The following DDRGK1 variants were observed in gnomAD, a reference collection of about 807,000 sequenced individuals.
DDRGK1 encodes DDRGK domain-containing protein 1.
DDRGK1 carries 38 observed loss-of-function variants against 45.8 expected under a neutral mutation model. The ratio of observed to expected loss-of-function variants is 0.83; its 90% CI spans 0.64 to 1.09. The LOEUF (loss-of-function observed/expected upper bound fraction) is 1.09. Among genes scored for constraint, DDRGK1 ranks in the 50% least tolerant of loss-of-function variants. DDRGK1 has a pLI of 0.00. For missense variants in DDRGK1, 403 were observed against 419.9 expected, an observed-to-expected ratio of 0.96 and a Z score of 0.35; for synonymous variants, 171 against 168.7, an observed-to-expected ratio of 1.01 and a Z score of -0.11.
chr20:3,198,979 CAAA>C (rs386393118), intron 4 of DDRGK1, among the ~76,000 whole-genome samples: 1,752 of 115,090 alleles, frequency 0.015, 38 homozygotes, highest in African/African-American at 0.056. Context: ...CAATCTCTAC[CAAA>C]AAAAAAAAAA....
intron 4 of DDRGK1, among the ~76,000 whole-genome samples, chr20:3,199,169 G>A (rs1301418485): frequency 6.6e-6 from 1 of 151,952 alleles, no homozygotes; most frequent in African/African-American, 2.4e-5. Context: ...AATCAATAAA[G>A]AAAAATCTGA....
At chr20:3,191,333 T>G (rs537709680) in intron 7 of DDRGK1, 95 bp from the exon 8 acceptor site, 1 of 1,369,194 alleles carries the variant, frequency 7.3e-7, no homozygotes, top group African/African-American at 1.4e-5. Context: ...ATCTCTTTAT[T>G]TCCCTCTCAT....
Position 3,204,675 on chromosome 20 carries a change from T to A in DDRGK1, c.-48A>T. 1 of 1,526,902 alleles carries A rather than the reference T, an allele frequency of 6.5e-7. No homozygotes were observed. Among genetic ancestry groups the A allele is most frequent in the Middle Eastern group, 1.7e-4 (1 of 5,946 alleles). The allele number at this position is 1,526,902 out of a possible 1,614,324, so 94.6% of individuals were successfully genotyped here. On this transcript the variant is annotated 5_prime_UTR_variant, in exon 1 of 9. Coordinates refer to ENST00000354488, the MANE Select transcript of DDRGK1 (RefSeq NM_023935.3). ...CACTGCGTCCACCCTGAGGCCGGGA[T>A]CTCATAGGCCCCGCCCCTATTTCCC...
At chr20:3,193,393 CAG>C (rs1256934405) in intron 6 of DDRGK1, among the ~76,000 whole-genome samples, 2 of 151,696 alleles carry the variant, frequency 1.3e-5, no homozygotes, top group African/African-American at 4.8e-5. Flanking sequence ...TTTTTTGAGA[CAG>C]AGTCTCACTC....
At chr20:3,190,968 G>C in intron 8 of DDRGK1, 149 bp from the exon 9 acceptor site, 1 of 1,330,272 alleles carries the variant, frequency 7.5e-7, no homozygotes, top group Non-Finnish European at 1.0e-6. Flanking sequence ...GTCCTGCTAG[G>C]AGAGTCGAAT....
intron 7 of DDRGK1, 113 bp downstream of exon 7, chr20:3,191,652 G>C (rs2066989817): frequency 2.4e-6 from 3 of 1,233,364 alleles, no homozygotes; most frequent in Non-Finnish European, 3.5e-6. Context: ...ACTCACTCTT[G>C]GTTGGGGACA....
intron 2 of DDRGK1, among the ~76,000 whole-genome samples, chr20:3,200,848 T>C (rs149753511): frequency 0.014 from 2,193 of 151,984 alleles, 25 homozygotes; most frequent in African/African-American, 0.025. Flanking sequence ...CGGTGGCTCA[T>C]GCCTGTAATC....
chr20:3,204,561 G>T lies in DDRGK1; in HGVS notation c.67C>A (p.Arg23Ser). The change falls in exon 1 of 9, where the codon CGC becomes AGC. Residue 23 changes from arginine (R) to serine (S), a missense_variant. Transcript: ENST00000354488. The stretch of plus-strand genomic sequence containing the variant: ...CCTGATGCCGCCCGGCCCCGGCTGC[G>T]AGTCAGGAAGAGGATAAAGCCGACT... ...LLVGFILFLT[R>S]SRGRAASAGQ... 1 of 1,576,316 alleles carries T rather than the reference G, an allele frequency of 6.3e-7. No individual in the cohort carries two copies.
chr20:3,194,354 C>T (rs1252727499), intron 6 of DDRGK1, among the ~76,000 whole-genome samples: 1 of 152,230 alleles, frequency 6.6e-6, no homozygotes, highest in Non-Finnish European at 1.5e-5. Flanking sequence ...GCGGCCTGCG[C>T]AGTGGCTGCG....
In DDRGK1 at chr20:3,200,007, C is replaced by T. The variant is rs1272019150; in HGVS notation, c.504G>A (p.Glu168=). Residue 168 remains glutamate, a synonymous_variant, in exon 4 of 9, where the codon GAG becomes GAA. Coordinates refer to ENST00000354488, the MANE Select transcript of DDRGK1 (RefSeq NM_023935.3). ...GGGTAGGGGCTGGCCTCACCTTCTG[C>T]TCCTCCTCCAGGCGAAGCCGCTCCT... ...KEEERLRLEE[E]QKEEEERKAR... is the part of the protein sequence containing the mutation. The T allele has an allele frequency of 1.9e-6, 3 of 1,610,254 alleles. No individual in the cohort carries two copies. Among genetic ancestry groups the T allele is most frequent in the African/African-American group, 2.7e-5 (2 of 74,918 alleles).
At chr20:3,199,938 C>T in intron 4 of DDRGK1, 63 bp downstream of exon 4, 1 of 1,461,808 alleles carries the variant, frequency 6.8e-7, no homozygotes, top group Non-Finnish European at 9.1e-7. Context: ...CAGGGAGCTG[C>T]ATAAGAAGCA....
chr20:3,200,968 G>A (rs1012019630), intron 2 of DDRGK1, among the ~76,000 whole-genome samples: 8 of 152,150 alleles, frequency 5.3e-5, no homozygotes, highest in African/African-American at 1.9e-4. Flanking sequence ...AAATTAGCTG[G>A]GTGTGGTGGC....
chr20:3,194,195 C>T (rs1245390260), intron 6 of DDRGK1, among the ~76,000 whole-genome samples: 1 of 152,184 alleles, frequency 6.6e-6, no homozygotes, highest in African/African-American at 2.4e-5. Flanking sequence ...CCACCGCCCC[C>T]GCTCCCTCTG....
At chr20:3,204,493 A>G in intron 1 of DDRGK1, 44 bp downstream of exon 1, 7 of 1,531,350 alleles carry the variant, frequency 4.6e-6, no homozygotes, top group Non-Finnish European at 5.3e-6. Context: ...TCAGAAGGCC[A>G]GAAAACCCGG....
intron 6 of DDRGK1, among the ~76,000 whole-genome samples, 198 bp downstream of exon 6, chr20:3,194,632 A>T (rs2067002135): frequency 6.6e-6 from 1 of 152,202 alleles, no homozygotes; most frequent in African/African-American, 2.4e-5. Flanking sequence ...TCCCACACAG[A>T]CCCAGGTCCT....
chr20:3,190,782 G>C lies in DDRGK1; in HGVS notation c.816C>G (p.Thr272=). The change falls in exon 9 of 9, where the codon ACC becomes ACG. Residue 272 remains threonine (T), a synonymous_variant. Transcript: ENST00000354488. The part of the protein sequence containing the change: ...IDDRGKFIYI[T]PEELAAVANF... Reference sequence around the variant, plus strand: ...TGGCCACGGCGGCCAGTTCCTCTGGGGTTATGTAGATGAACTTGCCCCGGT... The same window carrying C: ...TGGCCACGGCGGCCAGTTCCTCTGGCGTTATGTAGATGAACTTGCCCCGGT... 1 of 1,613,852 alleles carries C rather than the reference G, an allele frequency of 6.2e-7. No individual in the cohort carries two copies.
At position 3,195,254 on chromosome 20, in the gene DDRGK1, C is replaced by T. The variant is rs147622952; in HGVS notation, c.610G>A (p.Gly204Arg). The change falls in exon 5 of 9, where the codon GGA (glycine) becomes AGA (arginine). Residue 204 changes from glycine to arginine, a missense_variant. Coordinates refer to ENST00000354488, the MANE Select transcript of DDRGK1 (RefSeq NM_023935.3). Reference protein sequence around the residue: ...EAFVVEEEGVGETMTEEQSQS... With the variant: ...EAFVVEEEGVRETMTEEQSQS... ...ACCTGTTCCTCAGTCATGGTCTCTCCTACGCCTTCCTCCTCCACCACAAAG... is the reference window on the plus strand; with the variant it reads ...ACCTGTTCCTCAGTCATGGTCTCTCTTACGCCTTCCTCCTCCACCACAAAG... 1.2e-6 allele frequency: 2 copies of T among 1,614,072 alleles called. No homozygotes were observed. The highest frequency in any genetic ancestry group is 1.7e-6 in the Non-Finnish European group (2 of 1,179,974).
At chr20:3,194,272 C>G (rs557246425) in intron 6 of DDRGK1, among the ~76,000 whole-genome samples, 1 of 152,316 alleles carries the variant, frequency 6.6e-6, no homozygotes, top group East Asian at 1.9e-4. Flanking sequence ...TCATGGCATC[C>G]TTCGTGGGAG....
chr20:3,195,786 G>C (rs1376640760), intron 4 of DDRGK1, among the ~76,000 whole-genome samples: 1 of 151,976 alleles, frequency 6.6e-6, no homozygotes, highest in African/African-American at 2.4e-5. Context: ...ACTCCAGTCT[G>C]GCTTCTGTGT....
Sources: gnomAD v4.1 joint callset for allele counts (sites outside exome capture counted in the v4.1 genomes callset) on GRCh38, gnomAD v4.1.1 for gene constraint, MANE v1.5 for transcripts, NCBI Gene and HGNC (gene_info 2026-07-23, HGNC 2026-07-21) for gene names.